The following SLC7A8 variants were observed in gnomAD, a reference collection of about 807,000 sequenced individuals.
SLC7A8 encodes the protein solute carrier family 7 member 8.
Under a neutral mutation model 51.2 loss-of-function variants are expected in SLC7A8, and 30 were observed. The ratio of observed to expected loss-of-function variants is 0.59; its 90% confidence interval spans 0.44 to 0.80. SLC7A8 has a LOEUF of 0.80. SLC7A8 is among the 30% of genes least tolerant of loss of function. SLC7A8 has a pLI of 0.00. For missense variants in SLC7A8, 612 were observed against 674.4 expected (o/e 0.91, Z 1.03); for synonymous variants, 257 against 275.8 (o/e 0.93, Z 0.67).
chr14:23,176,787 CAA>C (rs1489989733), intron 1 of SLC7A8, among the ~76,000 whole-genome samples: 1 of 151,738 alleles, frequency 6.6e-6, no homozygotes, highest in African/African-American at 2.4e-5. Context: ...ACTAAAAATA[CAA>C]AAATTAGCTG....
intron 1 of SLC7A8, among the ~76,000 whole-genome samples, chr14:23,180,941 GGCGTGAA>G (rs1286090356): frequency 6.6e-6 from 1 of 152,068 alleles, no homozygotes; most frequent in Non-Finnish European, 1.5e-5. Context: ...GCAGGAGAAT[GGCGTGAA>G]CCCGGGAGGC....
At chr14:23,139,901 G>C (rs1292632681) in intron 5 of SLC7A8, among the ~76,000 whole-genome samples, 2 of 152,116 alleles carry the variant, frequency 1.3e-5, no homozygotes, top group Non-Finnish European at 2.9e-5. Flanking sequence ...CAGATACTTA[G>C]GAGGCTGAGG....
At chr14:23,127,633 G>A (rs2048590687) in intron 10 of SLC7A8, among the ~76,000 whole-genome samples, 1 of 152,198 alleles carries the variant, frequency 6.6e-6, no homozygotes, top group Non-Finnish European at 1.5e-5. Context: ...ATGGCTGACA[G>A]GTTGCCTATT....
chr14:23,179,865 TGTC>T (rs1056805049), intron 1 of SLC7A8, among the ~76,000 whole-genome samples: 1 of 151,482 alleles, frequency 6.6e-6, no homozygotes, highest in Non-Finnish European at 1.5e-5. Context: ...TTCCATAACA[TGTC>T]TCCTGATTCA....
intron 5 of SLC7A8, 107 bp from the exon 6 acceptor site, chr14:23,139,654 G>A (rs1191423628): frequency 7.3e-7 from 1 of 1,367,440 alleles, no homozygotes; most frequent in Non-Finnish European, 9.8e-7. Context: ...TAGCCTTACA[G>A]CCTTCTGTGA....
chr14:23,147,645 T>C (rs887406040), intron 3 of SLC7A8, among the ~76,000 whole-genome samples: 5 of 152,202 alleles, frequency 3.3e-5, no homozygotes, highest in African/African-American at 9.7e-5. Flanking sequence ...CTTGTATGTA[T>C]TTTTTGGGCA....
In SLC7A8 at chr14:23,128,056, G is replaced by A; in HGVS notation, c.1404C>T (p.Tyr468=). Residue 468 remains tyrosine (Y), a synonymous_variant, in exon 10 of 11, where the codon TAC becomes TAT. Transcript: ENST00000316902. The surrounding 1 kb of genome is among the most constrained non-coding windows in gnomAD (Gnocchi z 4.3). Reference sequence around the variant, plus strand: ...TGAAACACTTGGGCTTGTGTTGCCAGTAAACACCCAGGAAATAGACAGGCA... The same window carrying A: ...TGAAACACTTGGGCTTGTGTTGCCAATAAACACCCAGGAAATAGACAGGCA... The part of the protein sequence containing the change: ...TGVPVYFLGV[Y]WQHKPKCFSD... The A allele has an allele frequency of 6.2e-7, 1 of 1,614,172 alleles. No individual in the cohort carries two copies. Among genetic ancestry groups the A allele is most frequent in the Non-Finnish European group, 8.5e-7 (1 of 1,180,016 alleles).
chr14:23,154,561 C>A, intron 3 of SLC7A8: 2 of 806,858 alleles, frequency 2.5e-6, no homozygotes, highest in Non-Finnish European at 3.0e-6. Context: ...TTGGCCTGTC[C>A]AACCGCAGGC....
rs201812318 is a variant in SLC7A8, at chr14:23,143,061, T to C, written c.634+18A>G. ...GGGAGGAAAGCTGGGCAGTACCTGT[T>C]TTTCCTGCGATACTCACCTTTGCAT... On this transcript the variant is annotated intron_variant, in intron 4 of 10. Coordinates refer to ENST00000316902, the MANE Select transcript of SLC7A8 (RefSeq NM_012244.4). 71 of 1,613,170 alleles carry C rather than the reference T, an allele frequency of 4.4e-5. No homozygotes were observed. In the East Asian group the frequency reaches 1.4e-3, roughly 31 times the overall value.
At chr14:23,148,332 G>T (rs915964730) in intron 3 of SLC7A8, among the ~76,000 whole-genome samples, 1 of 152,074 alleles carries the variant, frequency 6.6e-6, no homozygotes, top group Non-Finnish European at 1.5e-5. Context: ...ATGTTAAAAC[G>T]ATTCTCCTGC....
intron 1 of SLC7A8, among the ~76,000 whole-genome samples, chr14:23,179,029 A>AT (rs200037350): frequency 4.1e-4 from 62 of 149,644 alleles, no homozygotes; most frequent in East Asian, 4.1e-3. Flanking sequence ...TCATAGTTCA[A>AT]TTTTTTTTTA....
chr14:23,182,688 C>A, intron 1 of SLC7A8, 76 bp downstream of exon 1: 4 of 1,454,154 alleles, frequency 2.8e-6, no homozygotes, highest in Non-Finnish European at 3.7e-6. Context: ...AACAATAATG[C>A]TTTCGAAGGG....
At chr14:23,171,544 G>A (rs969731531) in intron 1 of SLC7A8, among the ~76,000 whole-genome samples, 5 of 152,194 alleles carry the variant, frequency 3.3e-5, no homozygotes, top group African/African-American at 1.2e-4. Flanking sequence ...GAGTTCTGAT[G>A]CCCAACAGAC....
At chr14:23,173,277 C>T (rs2048983675) in intron 1 of SLC7A8, among the ~76,000 whole-genome samples, 1 of 152,100 alleles carries the variant, frequency 6.6e-6, no homozygotes, top group African/African-American at 2.4e-5. Context: ...CAATATATGG[C>T]AAGATTTTAA....
At position 23,141,511 on chromosome 14, in the gene SLC7A8, G is replaced by A. The variant is rs1015808296; in HGVS notation, c.635-887C>T. ...GTCGCCCAGGCTGGAGTGCAGTGGCGCGATCTCAGCTCACTGCAACCTCCG... is the reference window on the plus strand; with the variant it reads ...GTCGCCCAGGCTGGAGTGCAGTGGCACGATCTCAGCTCACTGCAACCTCCG... On this transcript the variant is annotated intron_variant, in intron 4 of 10. Transcript: ENST00000316902. 4.6e-5 allele frequency among the ~76,000 whole-genome samples: 7 copies of A among 152,208 alleles called. No individual in the cohort carries two copies. The East Asian group carries it at 1.4e-3, about 30-fold the overall frequency.
chr14:23,143,272 A>G (rs2048762385), intron 3 of SLC7A8, 68 bp from the exon 4 acceptor site: 2 of 1,593,224 alleles, frequency 1.3e-6, no homozygotes, highest in Admixed American at 3.4e-5. Context: ...CAAGGCACAC[A>G]AGCAGAACTG....
At chr14:23,174,610 A>G (rs2048990521) in intron 1 of SLC7A8, among the ~76,000 whole-genome samples, 1 of 152,248 alleles carries the variant, frequency 6.6e-6, no homozygotes, top group South Asian at 2.1e-4. Flanking sequence ...CCTCCTAGAA[A>G]TAAAATTCAC....
chr14:23,165,057 G>A lies in SLC7A8; in HGVS notation c.508+228C>T, dbSNP rs900305444. Among the ~76,000 whole-genome samples the A allele has an allele frequency of 9.2e-5, 14 of 151,442 alleles. No individual in the cohort carries two copies. The highest frequency in any genetic ancestry group is 3.4e-4 in the African/African-American group (14 of 41,146). ...ATGTAGACCTCCAGGGAGGATAAAAGAGGCTGTCCCTCAGACTGGGTGCAG... is the reference window on the plus strand; with the variant it reads ...ATGTAGACCTCCAGGGAGGATAAAAAAGGCTGTCCCTCAGACTGGGTGCAG... On this transcript the variant is annotated intron_variant, in intron 3 of 10. Coordinates refer to ENST00000316902, the MANE Select transcript of SLC7A8 (RefSeq NM_012244.4). This position sits in a 1 kb window ranked among gnomAD's most constrained non-coding sequence, Gnocchi z 4.2.
At chr14:23,127,483 C>T in intron 10 of SLC7A8, 140 bp from the exon 11 acceptor site, 1 of 968,408 alleles carries the variant, frequency 1.0e-6, no homozygotes, top group Non-Finnish European at 1.5e-6. Flanking sequence ...GAATCCTCGC[C>T]ACCTGGTCTG....
Sources: gnomAD v4.1 joint callset for allele counts (sites outside exome capture counted in the v4.1 genomes callset) on GRCh38, gnomAD v4.1.1 for gene constraint, Gnocchi (gnomAD v3.1) non-coding constraint, MANE v1.5 for transcripts, NCBI Gene and HGNC (gene_info 2026-07-23, HGNC 2026-07-21) for gene names.